GRIK2: variants seen among roughly 807,000 people sequenced by gnomAD.
The protein encoded by GRIK2 is glutamate receptor ionotropic, kainate 2.
Under a neutral mutation model 100.3 loss-of-function variants are expected in GRIK2, and 32 were observed. The observed-to-expected ratio is 0.32, with a 90% confidence interval of 0.24 to 0.43. GRIK2 has a LOEUF of 0.43. GRIK2 is among the 20% of genes least tolerant of loss of function. GRIK2 has a pLI of 1.00. For synonymous variants in GRIK2, 417 were observed against 389.4 expected (o/e 1.07, Z -0.83); for missense variants, 843 against 1,114.9 (o/e 0.76, Z 3.47).
chr6:101,536,797 G>C (rs764514422), intron 2 of GRIK2, among the ~76,000 whole-genome samples: 3 of 151,592 alleles, frequency 2.0e-5, no homozygotes, highest in Non-Finnish European at 4.4e-5. Flanking sequence ...TACACATTCA[G>C]CTAGATTCTT....
chr6:101,846,883 A>T (rs370098211), intron 10 of GRIK2, among the ~76,000 whole-genome samples: 1 of 151,218 alleles, frequency 6.6e-6, no homozygotes, highest in African/African-American at 2.4e-5. Context: ...TTTTTTTGCT[A>T]TTACTTTTTT....
At chr6:101,635,623 A>AT (rs1780968174) in intron 4 of GRIK2, among the ~76,000 whole-genome samples, 1 of 152,194 alleles carries the variant, frequency 6.6e-6, no homozygotes, top group Non-Finnish European at 1.5e-5. Flanking sequence ...AAGGGCTAAT[A>AT]TCCAGAATCT....
chr6:101,821,138 C>A (rs1333903156), intron 10 of GRIK2, among the ~76,000 whole-genome samples: 1 of 152,046 alleles, frequency 6.6e-6, no homozygotes, highest in Non-Finnish European at 1.5e-5. Context: ...AAATATTTTT[C>A]AAGTGTGCAG....
chr6:101,746,753 T>G (rs1345942234), intron 7 of GRIK2, among the ~76,000 whole-genome samples: 1 of 152,186 alleles, frequency 6.6e-6, no homozygotes, highest in East Asian at 1.9e-4. Flanking sequence ...ATCCCTCAGT[T>G]TCCCTTTGTA....
intron 14 of GRIK2, among the ~76,000 whole-genome samples, chr6:101,945,735 T>A (rs1310947407): frequency 1.3e-5 from 2 of 152,174 alleles, no homozygotes; most frequent in African/African-American, 4.8e-5. Flanking sequence ...ATAACTCCTC[T>A]GTAAAGTGAG....
At chr6:101,569,715 G>A in intron 2 of GRIK2, among the ~76,000 whole-genome samples, 1 of 151,946 alleles carries the variant, frequency 6.6e-6, no homozygotes, top group South Asian at 2.1e-4. Flanking sequence ...AAACAAAAAC[G>A]CTAATTGCTT....
At position 101,583,550 on chromosome 6, in the gene GRIK2, C is replaced by T. The variant is rs777083967; in HGVS notation, c.116-38399C>T. On this transcript the variant is annotated intron_variant, in intron 2 of 16. Coordinates refer to ENST00000369134, the MANE Select transcript of GRIK2 (RefSeq NM_021956.5). The stretch of plus-strand genomic sequence containing the variant: ...CAATTTGCCCTCTAGTCCTTAGCTT[C>T]CTCAACTATGATGCATCAGATAGTG... Among the ~76,000 whole-genome samples the T allele has an allele frequency of 1.4e-3, 215 of 152,222 alleles. 1 individual carries two copies. Among genetic ancestry groups the T allele is most frequent in the Non-Finnish European group, 2.2e-3 (151 of 68,000 alleles).
At chr6:101,666,365 A>T (rs1353520829) in intron 4 of GRIK2, among the ~76,000 whole-genome samples, 1 of 152,160 alleles carries the variant, frequency 6.6e-6, no homozygotes, top group Admixed American at 6.6e-5. Flanking sequence ...AGCTCACTAG[A>T]GCTTGAATGT....
chr6:101,773,235 C>T (rs1476582599), intron 7 of GRIK2, among the ~76,000 whole-genome samples: 2 of 152,238 alleles, frequency 1.3e-5, no homozygotes, highest in African/African-American at 2.4e-5. Flanking sequence ...AATCCCAGCA[C>T]TTTGGGAGGC....
At chr6:101,816,524 A>G (rs961574238) in intron 9 of GRIK2, among the ~76,000 whole-genome samples, 1 of 151,856 alleles carries the variant, frequency 6.6e-6, no homozygotes, top group Non-Finnish European at 1.5e-5. Flanking sequence ...CAAATACAAA[A>G]TACTAAAAAT....
intron 12 of GRIK2, among the ~76,000 whole-genome samples, chr6:101,907,255 A>G (rs1788293570): frequency 6.7e-6 from 1 of 149,508 alleles, no homozygotes; most frequent in Non-Finnish European, 1.5e-5. Context: ...TAGTGGAATA[A>G]CAAGAATAGT....
chr6:101,567,235 A>G (rs112761965), intron 2 of GRIK2, among the ~76,000 whole-genome samples: 1 of 151,794 alleles, frequency 6.6e-6, no homozygotes, highest in African/African-American at 2.4e-5. Context: ...TTATAGTTTG[A>G]TTCTTGTTCA....
At chr6:101,796,461 A>G (rs1461213274) in intron 7 of GRIK2, among the ~76,000 whole-genome samples, 1 of 152,206 alleles carries the variant, frequency 6.6e-6, no homozygotes, top group Non-Finnish European at 1.5e-5. Context: ...ATTTATAGAC[A>G]CACAATTTTA....
intron 2 of GRIK2, among the ~76,000 whole-genome samples, chr6:101,452,116 A>C (rs963436518): frequency 1.3e-5 from 2 of 151,850 alleles, no homozygotes; most frequent in African/African-American, 4.8e-5. Context: ...AAAGGCTAAA[A>C]TAGTATTTTC....
chr6:101,509,022 G>C (rs144593420), intron 2 of GRIK2, among the ~76,000 whole-genome samples: 357 of 152,122 alleles, frequency 2.3e-3, no homozygotes, highest in Middle Eastern at 6.8e-3. Context: ...GCTGGGCATG[G>C]GGGCGGGCAC....
intron 7 of GRIK2, among the ~76,000 whole-genome samples, chr6:101,734,173 C>T (rs1260434846): frequency 1.3e-5 from 2 of 152,074 alleles, no homozygotes; most frequent in African/African-American, 4.8e-5. Flanking sequence ...CCCAAAGAAA[C>T]AGTACCAACA....
chr6:102,031,590 C>T (rs1770002803), intron 14 of GRIK2, among the ~76,000 whole-genome samples: 1 of 151,094 alleles, frequency 6.6e-6, no homozygotes, highest in Admixed American at 6.6e-5. Flanking sequence ...GCATAGTCTG[C>T]AATATGTTTT....
rs949635437 is a variant in GRIK2, at chr6:101,451,253, C to T, written c.115+51861C>T. On this transcript the variant is annotated intron_variant, in intron 2 of 16. Transcript: ENST00000369134. ...TTATGTTTGAGCTCAATTGTCATTC[C>T]GTAGCCTCCTTGATTTCTGATGTGG... is the stretch of plus-strand genomic sequence containing the variant. 5.3e-5 allele frequency among the ~76,000 whole-genome samples: 8 copies of T among 151,720 alleles called. No individual in the cohort carries two copies. The East Asian group carries it at 5.8e-4, about 11-fold the overall frequency.
At chr6:101,492,498 T>G (rs1170403836) in intron 2 of GRIK2, among the ~76,000 whole-genome samples, 1 of 151,994 alleles carries the variant, frequency 6.6e-6, no homozygotes, top group Non-Finnish European at 1.5e-5. Flanking sequence ...TTCTATGAGT[T>G]ATAATAAATT....
Sources: gnomAD v4.1 joint callset for allele counts (sites outside exome capture counted in the v4.1 genomes callset) on GRCh38, gnomAD v4.1.1 for gene constraint, MANE v1.5 for transcripts, NCBI Gene and HGNC (gene_info 2026-07-23, HGNC 2026-07-21) for gene names.